OR6C74: variants seen among roughly 807,000 people sequenced by gnomAD.
OR6C74 encodes the protein olfactory receptor 6C74.
For synonymous variants in OR6C74, 142 were observed against 134.2 expected (o/e 1.06, Z -0.40); for missense variants, 361 against 362.9 (o/e 0.99, Z 0.04).
chr12:55,245,732 A>G (rs59452423), intron 1 of OR6C74, among the ~76,000 whole-genome samples: 37,434 of 151,992 alleles, frequency 0.25, 5,178 homozygotes, highest in Middle Eastern at 0.38. Flanking sequence ...CATATAAATT[A>G]CTTTCTGACT....
Position 55,247,796 on chromosome 12 carries a change from A to G in OR6C74, c.509A>G (p.Asn170Ser). 1.2e-6 allele frequency: 2 copies of G among 1,613,944 alleles called. No individual in the cohort carries two copies. Among genetic ancestry groups the G allele is most frequent in the East Asian group, 2.2e-5 (1 of 44,842 alleles). ...CTCCAGCTTGATTTCTGTGCAGCCAACACTGTAGATCATTTCTTCTGTGAT... is the reference window on the plus strand; with the variant it reads ...CTCCAGCTTGATTTCTGTGCAGCCAGCACTGTAGATCATTTCTTCTGTGAT... ...MGLQLDFCAA[N>S]TVDHFFCDVS... is the part of the protein sequence containing the mutation. Residue 170 changes from asparagine (N) to serine (S), a missense_variant, in exon 2 of 2, where the codon AAC (asparagine) becomes AGC (serine). Asn to Ser is a conservative substitution (Grantham distance 46, BLOSUM62 1). Coordinates refer to ENST00000343399, the MANE Select transcript of OR6C74 (RefSeq NM_001005490.2).
In OR6C74 at chr12:55,247,272, A is replaced by G; in HGVS notation, c.-9-7A>G. ...GTTCTAATTTTTCTTCTTATTTTTAAAAATAGAAATCAACTATGAGAAACC... is the reference window on the plus strand; with the variant it reads ...GTTCTAATTTTTCTTCTTATTTTTAGAAATAGAAATCAACTATGAGAAACC... On this transcript the variant is annotated splice_polypyrimidine_tract_variant and splice_region_variant and intron_variant, in intron 1 of 1. Coordinates refer to ENST00000343399, the MANE Select transcript of OR6C74 (RefSeq NM_001005490.2). The G allele has an allele frequency of 6.8e-7, 1 of 1,463,684 alleles. No homozygotes were observed. Among genetic ancestry groups the G allele is most frequent in the Non-Finnish European group, 9.3e-7 (1 of 1,072,602 alleles). The allele number at this position is 1,463,684 out of a possible 1,614,324, so 90.7% of individuals were successfully genotyped here.
Position 55,248,106 on chromosome 12 carries a change from T to C in OR6C74, c.819T>C (p.Ala273=). Residue 273 remains alanine, a synonymous_variant, in exon 2 of 2, where the codon GCT becomes GCC. Coordinates refer to ENST00000343399, the MANE Select transcript of OR6C74 (RefSeq NM_001005490.2). ...KERVSLNKGI[A]LLSTSVAPML... ...GAGTGTCATTAAATAAAGGGATAGC[T>C]CTGCTCAGCACTTCTGTTGCCCCCA... The C allele has an allele frequency of 6.2e-7, 1 of 1,613,756 alleles. No individual in the cohort carries two copies. Among genetic ancestry groups the C allele is most frequent in the Non-Finnish European group, 8.5e-7 (1 of 1,179,704 alleles).
chr12:55,247,599 C>G lies in OR6C74; in HGVS notation c.312C>G (p.Leu104=). 1 of 1,613,862 alleles carries G rather than the reference C, an allele frequency of 6.2e-7. No homozygotes were observed. The change falls in exon 2 of 2, where the codon CTC becomes CTG. Residue 104 remains leucine (L), a synonymous_variant. Transcript: ENST00000343399. ...DCAAQLFFTI[L]LGATEFFLLA... ...CAGCACAGCTGTTTTTCACTATTCT[C>G]TTGGGGGCAACTGAATTTTTTCTTC...
intron 1 of OR6C74, 77 bp from the exon 2 acceptor site, chr12:55,247,202 G>A: frequency 2.6e-6 from 2 of 773,504 alleles, no homozygotes; most frequent in African/African-American, 1.8e-5. Flanking sequence ...TCTTTATGGT[G>A]GATTTCAAGA....
chr12:55,247,187 C>A, intron 1 of OR6C74, 92 bp from the exon 2 acceptor site: 1 of 662,284 alleles, frequency 1.5e-6, no homozygotes, highest in Non-Finnish European at 2.5e-6. Flanking sequence ...GTGTGGGTAG[C>A]AATGTCTTTA....
Position 55,247,603 on chromosome 12 carries a change from G to A in OR6C74, c.316G>A (p.Gly106Arg). The A allele has an allele frequency of 6.2e-7, 1 of 1,613,766 alleles. No individual in the cohort carries two copies. The highest frequency in any genetic ancestry group is 8.5e-7 in the Non-Finnish European group (1 of 1,179,932). ...ACAGCTGTTTTTCACTATTCTCTTG[G>A]GGGCAACTGAATTTTTTCTTCTGGC... ...AAQLFFTILL[G>R]ATEFFLLAAM... is the part of the protein sequence containing the mutation. The change falls in exon 2 of 2, where the codon GGG becomes AGG. Residue 106 changes from glycine to arginine, a missense_variant. Transcript: ENST00000343399.
chr12:55,248,381 A>C lies in OR6C74; in HGVS notation c.*155A>C, dbSNP rs1465432053. On this transcript the variant is annotated 3_prime_UTR_variant, in exon 2 of 2. Transcript: ENST00000343399. ...TCCTAATCTCCAAAGCCTAACCTTC[A>C]CTGCCATTTCTCCCTCATGCTGAGA... The C allele has an allele frequency of 5.2e-6, 3 of 575,926 alleles. No homozygotes were observed. The Admixed American group carries it at 9.8e-5, about 19-fold the overall frequency. The allele number at this position is 575,926 out of a possible 1,614,324, so 35.7% of individuals were successfully genotyped here. A position where few individuals can be genotyped will look rare whatever the true frequency, so the allele number is the denominator to read the frequency against.
Position 55,252,906 on chromosome 12 carries a change from A to C in OR6C74, c.*4680A>C, listed in dbSNP as rs571226837. Among the ~76,000 whole-genome samples the C allele has an allele frequency of 3.3e-5, 5 of 152,088 alleles. No homozygotes were observed. In the South Asian group the frequency reaches 1.0e-3, roughly 32 times the overall value. On this transcript the variant is annotated 3_prime_UTR_variant, in exon 2 of 2. Transcript: ENST00000343399. ...ATTATTACTTAGCATATCATCATACATTTCTGATTTGCTTCTCTTCCTTTT... is the reference window on the plus strand; with the variant it reads ...ATTATTACTTAGCATATCATCATACCTTTCTGATTTGCTTCTCTTCCTTTT...
Position 55,251,801 on chromosome 12 carries a change from T to C in OR6C74, c.*3575T>C, listed in dbSNP as rs1475668730. Among the ~76,000 whole-genome samples, 1 of 151,818 alleles carries C rather than the reference T, an allele frequency of 6.6e-6. No individual in the cohort carries two copies. On this transcript the variant is annotated 3_prime_UTR_variant, in exon 2 of 2. Coordinates refer to ENST00000343399, the MANE Select transcript of OR6C74 (RefSeq NM_001005490.2). ...AAAATCTTTTGAAGTAAAAGAATAG[T>C]CAATATTATCATAAATTTAGAAATT...
chr12:55,244,637 GAAC>G lies in OR6C74; in HGVS notation c.-184_-182del, dbSNP rs1441138366. 2.6e-5 allele frequency among the ~76,000 whole-genome samples: 4 copies of G among 152,064 alleles called. No individual in the cohort carries two copies. The highest frequency in any genetic ancestry group is 7.2e-5 in the African/African-American group (3 of 41,430). ...GTATAGACTAGAAACACCTCAGCGTGAACAACAAGCTAGAAACCTTCTCTTTGT... is the reference window on the plus strand; with the variant it reads ...GTATAGACTAGAAACACCTCAGCGTGAACAAGCTAGAAACCTTCTCTTTGT... On this transcript the variant is annotated 5_prime_UTR_variant, in exon 1 of 2. Coordinates refer to ENST00000343399, the MANE Select transcript of OR6C74 (RefSeq NM_001005490.2).
At position 55,254,728 on chromosome 12, in the gene OR6C74, A is replaced by C. The variant is rs1242085772; in HGVS notation, c.*6502A>C. On this transcript the variant is annotated 3_prime_UTR_variant, in exon 2 of 2. Transcript: ENST00000343399. ...TACTTGTATTTCACATGCTTAGCAC[A>C]GTGCTCTTTACCTTATACATCTACT... 2.6e-5 allele frequency among the ~76,000 whole-genome samples: 4 copies of C among 152,120 alleles called. No individual in the cohort carries two copies. Among genetic ancestry groups the C allele is most frequent in the African/African-American group, 9.7e-5 (4 of 41,434 alleles).
rs947567287 is a variant in OR6C74, at chr12:55,249,154, T to C, written c.*928T>C. On this transcript the variant is annotated 3_prime_UTR_variant, in exon 2 of 2. Coordinates refer to ENST00000343399, the MANE Select transcript of OR6C74 (RefSeq NM_001005490.2). ...ACATTCTATAGATTTATGGATGTCA[T>C]AGATAAAATTAAGACCTTACAGCTC... 2.0e-5 allele frequency among the ~76,000 whole-genome samples: 3 copies of C among 152,188 alleles called. No homozygotes were observed. Among genetic ancestry groups the C allele is most frequent in the Non-Finnish European group, 1.5e-5 (1 of 68,012 alleles).
rs1372652516 is a variant in OR6C74, at chr12:55,256,455, A to G, written c.*8229A>G. On this transcript the variant is annotated 3_prime_UTR_variant, in exon 2 of 2. Transcript: ENST00000343399. Reference sequence around the variant, plus strand: ...GCTTTTGCTGCAACTGTTACTGCTGATTAATAACTTGCTAATCATAGGTTA... The same window carrying G: ...GCTTTTGCTGCAACTGTTACTGCTGGTTAATAACTTGCTAATCATAGGTTA... Among the ~76,000 whole-genome samples, 1 of 152,064 alleles carries G rather than the reference A, an allele frequency of 6.6e-6. No individual in the cohort carries two copies. The highest frequency in any genetic ancestry group is 1.5e-5 in the Non-Finnish European group (1 of 67,976).
Position 55,247,987 on chromosome 12 carries a change from A to G in OR6C74, c.700A>G (p.Lys234Glu). The G allele has an allele frequency of 6.2e-7, 1 of 1,613,952 alleles. No homozygotes were observed. Among genetic ancestry groups the G allele is most frequent in the Non-Finnish European group, 8.5e-7 (1 of 1,179,874 alleles). The change falls in exon 2 of 2, where the codon AAA becomes GAA. Residue 234 changes from lysine to glutamate, a missense_variant. Coordinates refer to ENST00000343399, the MANE Select transcript of OR6C74 (RefSeq NM_001005490.2). ...AATACCTTCTTCTCAACAGAGAAAA[A>G]AAGCATTTTCTACATGTTCTTCCCA... is the stretch of plus-strand genomic sequence containing the variant. ...LKIPSSQQRK[K>E]AFSTCSSHMV...
rs1285942207 is a variant in OR6C74, at chr12:55,255,588, A to G, written c.*7362A>G. Among the ~76,000 whole-genome samples, 3 of 152,180 alleles carry G rather than the reference A, an allele frequency of 2.0e-5. No individual in the cohort carries two copies. The highest frequency in any genetic ancestry group is 2.9e-5 in the Non-Finnish European group (2 of 68,032). On this transcript the variant is annotated 3_prime_UTR_variant, in exon 2 of 2. Coordinates refer to ENST00000343399, the MANE Select transcript of OR6C74 (RefSeq NM_001005490.2). ...GTTGGATAAAGAAAATGTGGTACAT[A>G]TACACCATGGAACACTATAAAATAT...
In OR6C74 at chr12:55,256,464, T is replaced by G. The variant is rs1017564261; in HGVS notation, c.*8238T>G. Among the ~76,000 whole-genome samples the G allele has an allele frequency of 6.6e-6, 1 of 152,102 alleles. No homozygotes were observed. Among genetic ancestry groups the G allele is most frequent in the South Asian group, 2.1e-4 (1 of 4,830 alleles). ...GCAACTGTTACTGCTGATTAATAAC[T>G]TGCTAATCATAGGTTATGGAAAGAC... On this transcript the variant is annotated 3_prime_UTR_variant, in exon 2 of 2. Coordinates refer to ENST00000343399, the MANE Select transcript of OR6C74 (RefSeq NM_001005490.2).
chr12:55,246,435 C>G (rs542166163), intron 1 of OR6C74, among the ~76,000 whole-genome samples: 2 of 152,160 alleles, frequency 1.3e-5, no homozygotes, highest in Admixed American at 6.5e-5. Context: ...TTCACTGAAG[C>G]CTTGAATTCC....
rs1954303504 is a variant in OR6C74, at chr12:55,250,172, C to G, written c.*1946C>G. ...CAGATTTTCTTCTGAACACTCTTCT[C>G]CACAATTTAAGTTGTTGCCAAATGC... is the stretch of plus-strand genomic sequence containing the variant. On this transcript the variant is annotated 3_prime_UTR_variant, in exon 2 of 2. Transcript: ENST00000343399. Among the ~76,000 whole-genome samples the G allele has an allele frequency of 6.6e-6, 1 of 152,118 alleles. No homozygotes were observed. Among genetic ancestry groups the G allele is most frequent in the African/African-American group, 2.4e-5 (1 of 41,438 alleles).
Sources: allele counts gnomAD v4.1 joint callset (sites outside exome capture counted in the v4.1 genomes callset), GRCh38; gene constraint gnomAD v4.1.1; transcripts MANE v1.5; gene names NCBI Gene and HGNC (gene_info 2026-07-23, HGNC 2026-07-21).